The following GNGT1 variants were observed in gnomAD, a reference collection of about 807,000 sequenced individuals.
GNGT1 encodes the protein G protein subunit gamma transducin 1.
GNGT1 carries 4 observed loss-of-function variants against 7.4 expected under a neutral mutation model. The observed-to-expected ratio is 0.54, with a 90% confidence interval of 0.27 to 1.24. The LOEUF (loss-of-function observed/expected upper bound fraction) is 1.24. Among genes scored for constraint, GNGT1 ranks in the 50% most tolerant of loss-of-function variants. The probability of loss-of-function intolerance (pLI) is 0.12; values close to 1 mark genes in which losing one functional copy is unlikely to be tolerated. For missense variants in GNGT1, 95 were observed against 82.4 expected (o/e 1.15, Z -0.59); for synonymous variants, 37 against 30.2 (o/e 1.23, Z -0.74).
chr7:93,907,613 G>C (rs1363919837), intron 2 of GNGT1, among the ~76,000 whole-genome samples: 1 of 152,158 alleles, frequency 6.6e-6, no homozygotes, highest in Non-Finnish European at 1.5e-5. Context: ...GGAGAATGTA[G>C]ATATGTATTT....
intron 2 of GNGT1, 89 bp from the exon 3 acceptor site, chr7:93,910,701 C>A: frequency 2.2e-6 from 2 of 920,274 alleles, no homozygotes; most frequent in Non-Finnish European, 3.2e-6. Context: ...ATTATACAAC[C>A]TGAAAATTTA....
intron 2 of GNGT1, chr7:93,910,286 T>A (rs1035695044): frequency 1.3e-5 from 2 of 152,320 alleles, no homozygotes; most frequent in African/African-American, 4.8e-5. Context: ...CCCTGACCCC[T>A]TGAAGCTCAC....
rs200035274 is a variant in GNGT1, at chr7:93,906,828, C to A, written c.82C>A (p.Leu28Met). 7.3e-5 allele frequency: 116 copies of A among 1,586,712 alleles called. No homozygotes were observed. The highest frequency in any genetic ancestry group is 1.7e-4 in the Admixed American group (10 of 57,162). Residue 28 changes from leucine (L) to methionine (M), a missense_variant, in exon 2 of 3, where the codon CTG becomes ATG. Coordinates refer to ENST00000248572, the MANE Select transcript of GNGT1 (RefSeq NM_021955.5). ...TGACCAGCTCAAGAAAGAAGTGACA[C>A]TGGAAAGAATGCTAGTAAGTTGCTG... ...EVDQLKKEVT[L>M]ERMLVSKCCE...
intron 2 of GNGT1, among the ~76,000 whole-genome samples, chr7:93,907,828 C>T (rs1336258021): frequency 6.6e-6 from 1 of 152,142 alleles, no homozygotes; most frequent in Non-Finnish European, 1.5e-5. Context: ...TAATCTCAAA[C>T]TCCCCTGTTG....
intron 2 of GNGT1, among the ~76,000 whole-genome samples, chr7:93,908,770 T>G (rs1474576442): frequency 6.6e-6 from 1 of 151,894 alleles, no homozygotes; most frequent in Admixed American, 6.6e-5. Flanking sequence ...TCAGTATGGG[T>G]AAGTGGTTAA....
Position 93,910,886 on chromosome 7 carries a change from A to C in GNGT1, c.193A>C (p.Lys65Gln). The C allele has an allele frequency of 6.9e-6, 11 of 1,600,680 alleles. No homozygotes were observed. The highest frequency in any genetic ancestry group is 1.7e-5 in the Admixed American group (1 of 58,428). ...KGIPEDKNPF[K>Q]ELKGGCVIS Reference sequence around the variant, plus strand: ...CATCCCAGAGGACAAAAATCCCTTCAAGGAGCTCAAAGGAGGCTGTGTGAT... The same window carrying C: ...CATCCCAGAGGACAAAAATCCCTTCCAGGAGCTCAAAGGAGGCTGTGTGAT... Residue 65 changes from lysine to glutamine, a missense_variant, in exon 3 of 3, where the codon AAG becomes CAG. Transcript: ENST00000248572.
intron 2 of GNGT1, chr7:93,909,343 T>C: frequency 2.0e-6 from 1 of 511,562 alleles, no homozygotes; most frequent in Non-Finnish European, 3.5e-6. Flanking sequence ...TAAGACTAAA[T>C]AGCTAGTAAA....
In GNGT1 at chr7:93,910,847, C is replaced by G. The variant is rs1384723381; in HGVS notation, c.154C>G (p.Pro52Ala). 1.2e-6 allele frequency: 2 copies of G among 1,606,150 alleles called. No homozygotes were observed. Among genetic ancestry groups the G allele is most frequent in the Non-Finnish European group, 1.7e-6 (2 of 1,173,980 alleles). Reference protein sequence around the residue: ...DYVEERSGEDPLVKGIPEDKN... With the variant: ...DYVEERSGEDALVKGIPEDKN... ...CGTTGAAGAACGATCTGGCGAGGAT[C>G]CACTGGTAAAGGGCATCCCAGAGGA... Residue 52 changes from proline (P) to alanine (A), a missense_variant, in exon 3 of 3, where the codon CCA becomes GCA. Coordinates refer to ENST00000248572, the MANE Select transcript of GNGT1 (RefSeq NM_021955.5).
intron 2 of GNGT1, among the ~76,000 whole-genome samples, chr7:93,907,103 C>CT (rs904255243): frequency 6.8e-5 from 10 of 147,252 alleles, no homozygotes; most frequent in African/African-American, 2.5e-4. Flanking sequence ...GATAAGAATG[C>CT]TTTTTCATTT....
rs1794461384 is a variant in GNGT1, at chr7:93,911,124, A to G, written c.*206A>G. On this transcript the variant is annotated 3_prime_UTR_variant, in exon 3 of 3. Transcript: ENST00000248572. The stretch of plus-strand genomic sequence containing the variant: ...ACATAGCTGGCACAGGGTTTAACAC[A>G]TAATTGCCAATAAATATTGCTTAAA... 7.1e-6 allele frequency: 2 copies of G among 283,134 alleles called. No individual in the cohort carries two copies. Among genetic ancestry groups the G allele is most frequent in the African/African-American group, 2.2e-5 (1 of 45,720 alleles). The allele number at this position is 283,134 out of a possible 1,614,324, so 17.5% of individuals were successfully genotyped here.
Position 93,906,839 on chromosome 7 carries a change from G to A in GNGT1, c.93G>A (p.Met31Ile). ...QLKKEVTLER[M>I]LVSKCCEEVR... is the part of the protein sequence containing the mutation. ...AGAAAGAAGTGACACTGGAAAGAATGCTAGTAAGTTGCTGCTTTCTTTAGT... is the reference window on the plus strand; with the variant it reads ...AGAAAGAAGTGACACTGGAAAGAATACTAGTAAGTTGCTGCTTTCTTTAGT... Residue 31 changes from methionine (M) to isoleucine (I), a missense_variant, in exon 2 of 3, where the codon ATG becomes ATA. Met to Ile is a conservative substitution (Grantham distance 10, BLOSUM62 1). Transcript: ENST00000248572. 6.4e-7 allele frequency: 1 copy of A among 1,560,376 alleles called. No homozygotes were observed. The highest frequency in any genetic ancestry group is 8.8e-7 in the Non-Finnish European group (1 of 1,141,482).
At chr7:93,907,383 T>C (rs1794392547) in intron 2 of GNGT1, among the ~76,000 whole-genome samples, 1 of 152,172 alleles carries the variant, frequency 6.6e-6, no homozygotes, top group Non-Finnish European at 1.5e-5. Flanking sequence ...TGCAATACTT[T>C]AAGCTATGAT....
At chr7:93,908,663 T>C (rs1162642590) in intron 2 of GNGT1, among the ~76,000 whole-genome samples, 1 of 150,986 alleles carries the variant, frequency 6.6e-6, no homozygotes, top group African/African-American at 2.4e-5. Flanking sequence ...CTATAAAATA[T>C]ATAATAATAT....
At chr7:93,908,581 A>G (rs1794412471) in intron 2 of GNGT1, among the ~76,000 whole-genome samples, 1 of 152,028 alleles carries the variant, frequency 6.6e-6, no homozygotes, top group Admixed American at 6.6e-5. Flanking sequence ...CCACCGAGGG[A>G]GTTAGGAGTT....
rs1187165979 is a variant in GNGT1 at position 93,906,815 on chromosome 7, G to C, written c.69G>C (p.Lys23Asn). The C allele has an allele frequency of 1.9e-6, 3 of 1,599,752 alleles. No homozygotes were observed. The highest frequency in any genetic ancestry group is 2.6e-6 in the Non-Finnish European group (3 of 1,171,844). Residue 23 changes from lysine (K) to asparagine (N), a missense_variant, in exon 2 of 3, where the codon AAG becomes AAC. Physicochemically the swap from Lys to Asn is moderately conservative, Grantham distance 94. Transcript: ENST00000248572. Reference protein sequence around the residue: ...DKLKMEVDQLKKEVTLERMLV... With the variant: ...DKLKMEVDQLNKEVTLERMLV... ...TGAAGATGGAAGTTGACCAGCTCAA[G>C]AAAGAAGTGACACTGGAAAGAATGC...
intron 2 of GNGT1, among the ~76,000 whole-genome samples, chr7:93,908,154 G>A (rs374860269): frequency 6.6e-6 from 1 of 151,972 alleles, no homozygotes. Context: ...AGGCTTTGGG[G>A]TTCCTTTTCC....
chr7:93,906,733 C>T lies in GNGT1; in HGVS notation c.-11-3C>T, dbSNP rs1239953819. The stretch of plus-strand genomic sequence containing the variant: ...CATAGCTGCTAACCTTCTACATCTT[C>T]AGCAGGCAAAAAGATGCCAGTAATC... On this transcript the variant is annotated splice_polypyrimidine_tract_variant and splice_region_variant and intron_variant, in intron 1 of 2. Transcript: ENST00000248572. The T allele has an allele frequency of 2.6e-6, 4 of 1,522,724 alleles. No homozygotes were observed. Among genetic ancestry groups the T allele is most frequent in the Non-Finnish European group, 3.6e-6 (4 of 1,103,974 alleles). 94.3% of individuals were successfully genotyped at this position (1,522,724 alleles called of 1,614,324 possible).
rs760360120 is a variant in GNGT1 at position 93,910,866 on chromosome 7, C to T, written c.173C>T (p.Pro58Leu). 1 of 1,608,868 alleles carries T rather than the reference C, an allele frequency of 6.2e-7. No individual in the cohort carries two copies. Among genetic ancestry groups the T allele is most frequent in the Non-Finnish European group, 8.5e-7 (1 of 1,176,422 alleles). The change falls in exon 3 of 3, where the codon CCA becomes CTA. Residue 58 changes from proline (P) to leucine (L), a missense_variant. Physicochemically the swap from Pro to Leu is moderately conservative, Grantham distance 98. Transcript: ENST00000248572. ...GAGGATCCACTGGTAAAGGGCATCC[C>T]AGAGGACAAAAATCCCTTCAAGGAG... Reference protein sequence around the residue: ...SGEDPLVKGIPEDKNPFKELK... With the variant: ...SGEDPLVKGILEDKNPFKELK...
intron 2 of GNGT1, among the ~76,000 whole-genome samples, 171 bp downstream of exon 2, chr7:93,907,013 A>G (rs1394155864): frequency 1.3e-5 from 2 of 152,166 alleles, no homozygotes; most frequent in Non-Finnish European, 2.9e-5. Context: ...CTCTTGATTT[A>G]GATTCTAAAT....
Sources: gnomAD v4.1 joint callset for allele counts (sites outside exome capture counted in the v4.1 genomes callset) on GRCh38, gnomAD v4.1.1 for gene constraint, MANE v1.5 for transcripts, NCBI Gene and HGNC (gene_info 2026-07-23, HGNC 2026-07-21) for gene names.